Variants in RGS6 observed in about 807,000 individuals in gnomAD.
The protein encoded by RGS6 is regulator of G protein signaling 6.
In RGS6, 30 loss-of-function variants were observed where a neutral mutation model predicts 78.5. The ratio of observed to expected loss-of-function variants is 0.38; its 90% CI spans 0.29 to 0.52. The LOEUF (loss-of-function observed/expected upper bound fraction) is 0.52. RGS6 is among the 20% of genes least tolerant of loss of function. RGS6 has a pLI of 0.85. For synonymous variants in RGS6, 206 were observed against 206.0 expected, an observed-to-expected ratio of 1.00 and a Z score of 0.00; for missense variants, 495 against 609.7, an observed-to-expected ratio of 0.81 and a Z score of 1.98.
intron 17 of RGS6, among the ~76,000 whole-genome samples, chr14:72,561,981 A>C (rs1363746355): frequency 6.6e-6 from 1 of 152,186 alleles, no homozygotes; most frequent in Non-Finnish European, 1.5e-5. Flanking sequence ...GATCAGCCAG[A>C]TCCTTGGCCA....
At chr14:71,942,424 G>A (rs767661118) in intron 1 of RGS6, among the ~76,000 whole-genome samples, 1 of 151,808 alleles carries the variant, frequency 6.6e-6, no homozygotes, top group African/African-American at 2.4e-5. Context: ...CAATCTCCTT[G>A]CTCCCCTCTC....
chr14:72,623,488 G>A, the RGS6 span, among the ~76,000 whole-genome samples: 3 of 151,348 alleles, frequency 2.0e-5, no homozygotes, highest in Non-Finnish European at 3.0e-5. Flanking sequence ...GCATATATAT[G>A]TGTGTGTGTG....
chr14:72,537,411 C>T (rs1176861732), intron 16 of RGS6: 2 of 698,718 alleles, frequency 2.9e-6, no homozygotes, highest in African/African-American at 1.8e-5. Flanking sequence ...CTCTCCTGCC[C>T]TTGTGTAGCC....
At chr14:72,543,283 C>T (rs147009967) in intron 17 of RGS6, among the ~76,000 whole-genome samples, 86 of 152,344 alleles carry the variant, frequency 5.6e-4, no homozygotes, top group African/African-American at 1.9e-3. Flanking sequence ...GTTTCAGCCC[C>T]TATTGATCCT....
At chr14:72,299,502 A>G (rs1429355236) in intron 2 of RGS6, among the ~76,000 whole-genome samples, 1 of 152,252 alleles carries the variant, frequency 6.6e-6, no homozygotes, top group Admixed American at 6.5e-5. Context: ...ACCTAGGGGA[A>G]GAATTTCTGG....
intron 2 of RGS6, among the ~76,000 whole-genome samples, chr14:72,228,396 TAAAATAAA>T (rs1567523974): frequency 6.6e-6 from 1 of 151,622 alleles, no homozygotes; most frequent in East Asian, 1.9e-4. Context: ...ATAATAATAA[TAAAATAAA>T]AATAAAAATA....
At chr14:72,082,860 A>G (rs951188440) in intron 2 of RGS6, among the ~76,000 whole-genome samples, 6 of 152,304 alleles carry the variant, frequency 3.9e-5, no homozygotes, top group Middle Eastern at 3.4e-3. Context: ...CTACATCAGG[A>G]TGCTTTTGGC....
At chr14:71,907,550 G>A in the RGS6 span, among the ~76,000 whole-genome samples, 1 of 152,118 alleles carries the variant, frequency 6.6e-6, no homozygotes, top group African/African-American at 2.4e-5. Context: ...GGAGGTCCTT[G>A]CTTGTAGACC....
At chr14:72,361,206 A>AT (rs34045934) in intron 3 of RGS6, among the ~76,000 whole-genome samples, 1 of 151,254 alleles carries the variant, frequency 6.6e-6, no homozygotes, top group Non-Finnish European at 1.5e-5. Context: ...AAGACAGGTA[A>AT]TTTTTTTCCC....
intron 2 of RGS6, among the ~76,000 whole-genome samples, chr14:72,070,234 A>T (rs555904371): frequency 7.3e-4 from 111 of 152,038 alleles, no homozygotes; most frequent in African/African-American, 2.6e-3. Context: ...TTTTTCTTAC[A>T]GCTTTGTTAT....
chr14:72,473,235 C>T (rs548957539), intron 9 of RGS6, among the ~76,000 whole-genome samples: 13 of 152,136 alleles, frequency 8.5e-5, no homozygotes, highest in Non-Finnish European at 1.8e-4. Context: ...CGAGGTCAGT[C>T]GATCAAGACC....
chr14:72,076,358 G>A (rs1038154752), intron 2 of RGS6, among the ~76,000 whole-genome samples: 2 of 152,054 alleles, frequency 1.3e-5, no homozygotes, highest in African/African-American at 4.8e-5. Context: ...GTTTTTAATA[G>A]ATAGCATTGC....
chr14:72,344,112 A>T (rs149220631), intron 2 of RGS6, among the ~76,000 whole-genome samples: 1 of 152,126 alleles, frequency 6.6e-6, no homozygotes, highest in Non-Finnish European at 1.5e-5. Flanking sequence ...CAGGGGAAAG[A>T]CATTTTCCCT....
intron 3 of RGS6, among the ~76,000 whole-genome samples, chr14:72,428,894 G>A (rs1303365178): frequency 6.6e-6 from 1 of 152,174 alleles, no homozygotes; most frequent in Non-Finnish European, 1.5e-5. Context: ...CCTCTAGAAG[G>A]AGTGATTCTG....
intron 2 of RGS6, among the ~76,000 whole-genome samples, chr14:72,020,239 T>A (rs1254778536): frequency 6.6e-6 from 1 of 152,236 alleles, no homozygotes; most frequent in African/African-American, 2.4e-5. Context: ...GAATCTGGAT[T>A]TCCAAATTAT....
chr14:72,262,730 T>C (rs893160774), intron 2 of RGS6, among the ~76,000 whole-genome samples: 1 of 152,238 alleles, frequency 6.6e-6, no homozygotes, highest in African/African-American at 2.4e-5. Context: ...AAATTTTCTT[T>C]TCCAAATGAC....
intron 2 of RGS6, among the ~76,000 whole-genome samples, chr14:72,067,945 T>A (rs546338282): frequency 3.9e-5 from 6 of 152,242 alleles, no homozygotes; most frequent in African/African-American, 1.4e-4. Flanking sequence ...ACAATCTGCA[T>A]TTTAATAGAA....
chr14:72,225,216 A>C (rs1230875065), intron 2 of RGS6, among the ~76,000 whole-genome samples: 1 of 152,232 alleles, frequency 6.6e-6, no homozygotes, highest in Non-Finnish European at 1.5e-5. Flanking sequence ...ATTCTCTGGC[A>C]TATGAGTTTT....
chr14:72,532,387 C>T (rs2097193501), intron 15 of RGS6, among the ~76,000 whole-genome samples: 1 of 152,170 alleles, frequency 6.6e-6, no homozygotes, highest in South Asian at 2.1e-4. Context: ...CATCTCTTTC[C>T]CTCTCCTTGG....
Sources: gnomAD v4.1 joint callset for allele counts (sites outside exome capture counted in the v4.1 genomes callset) on GRCh38, gnomAD v4.1.1 for gene constraint, MANE v1.5 for transcripts, NCBI Gene and HGNC (gene_info 2026-07-23, HGNC 2026-07-21) for gene names.